FGD5: variants seen among roughly 807,000 people sequenced by gnomAD.
FGD5 encodes the protein FYVE, RhoGEF and PH domain containing 5.
In FGD5, 28 loss-of-function variants were observed where a neutral mutation model predicts 133.4. The ratio of observed to expected loss-of-function variants is 0.21; its 90% CI spans 0.16 to 0.29. FGD5 has a LOEUF of 0.29. FGD5 is among the 10% of genes least tolerant of loss of function. The pLI is 1.00. For missense variants in FGD5, 1,858 were observed against 1,895.2 expected (o/e 0.98, Z 0.36); for synonymous variants, 810 against 776.5 (o/e 1.04, Z -0.72).
At chr3:14,825,946 C>T (rs1162503946) in intron 1 of FGD5, among the ~76,000 whole-genome samples, 1 of 150,196 alleles carries the variant, frequency 6.7e-6, no homozygotes, top group Non-Finnish European at 1.5e-5. Context: ...TATTAAATAC[C>T]TGTTTTTAGC....
Position 14,864,473 on chromosome 3 carries a change from C to T in FGD5, c.2658+213C>T, listed in dbSNP as rs75353971. Among the ~76,000 whole-genome samples the T allele has an allele frequency of 9.3e-3, 1,421 of 152,204 alleles. 18 individuals carry two copies. The highest frequency in any genetic ancestry group is 0.031 in the African/African-American group (1,307 of 41,520). On this transcript the variant is annotated intron_variant, in intron 2 of 19. Coordinates refer to ENST00000285046, the MANE Select transcript of FGD5 (RefSeq NM_152536.4). The stretch of plus-strand genomic sequence containing the variant: ...GTGATGCAAGGGCAACTGCTCATGC[C>T]GGTATTCTCTGGAGTCTGATGAAGT...
Position 14,926,073 on chromosome 3 carries a change from G to T in FGD5, c.4072G>T (p.Ala1358Ser). 6.2e-7 allele frequency: 1 copy of T among 1,613,436 alleles called. No individual in the cohort carries two copies. The highest frequency in any genetic ancestry group is 1.7e-5 in the Admixed American group (1 of 60,018). The change falls in exon 18 of 20, where the codon GCT (alanine) becomes TCT (serine). Residue 1358 changes from alanine to serine, a missense_variant. Physicochemically the swap from Ala to Ser is moderately conservative, Grantham distance 99. This residue lies in a region of FGD5 where 1,824 missense variants were observed against 1,848.9 expected (regional missense o/e 0.99). Coordinates refer to ENST00000285046, the MANE Select transcript of FGD5 (RefSeq NM_152536.4). ...CGCTCTGCTTCCCTCCTGCCAGGTG[G>T]CTGCCTCTGGAGAGGGCTCTGCCAT... ...KKVPSALTEV[A>S]ASGEGSAISG...
In FGD5 at chr3:14,898,103, C is replaced by T. The variant is rs576171318; in HGVS notation, c.3066+8C>T. 6.2e-7 allele frequency: 1 copy of T among 1,613,936 alleles called. No individual in the cohort carries two copies. The highest frequency in any genetic ancestry group is 2.2e-5 in the East Asian group (1 of 44,876). On this transcript the variant is annotated splice_region_variant and intron_variant, in intron 6 of 19. Coordinates refer to ENST00000285046, the MANE Select transcript of FGD5 (RefSeq NM_152536.4). Reference sequence around the variant, plus strand: ...GCTGTCCGTGAATTTGAGGTGGGTCCCTTGGTCCTCTGAGACCCTGCTGTA... The same window carrying T: ...GCTGTCCGTGAATTTGAGGTGGGTCTCTTGGTCCTCTGAGACCCTGCTGTA...
intron 4 of FGD5, among the ~76,000 whole-genome samples, chr3:14,895,928 C>T (rs1898039): frequency 0.71 from 107,295 of 152,022 alleles, 37,963 homozygotes; most frequent in Non-Finnish European, 0.73. Context: ...TAAACAAATT[C>T]AGCAAAGTTG....
rs778673810 is a variant in FGD5 at position 14,820,767 on chromosome 3, C to G, written c.1696C>G (p.Pro566Ala). ...REIPVSVYQEPEGSGLDDHRI... is the reference protein window; with the variant it reads ...REIPVSVYQEAEGSGLDDHRI... ...GATTCCAGTGTCCGTGTACCAGGAG[C>G]CTGAGGGGTCAGGGTTGGATGACCA... The change falls in exon 1 of 20, where the codon CCT becomes GCT. Residue 566 changes from proline (P) to alanine (A), a missense_variant. Around this residue, in one of 3 missense-constraint regions of FGD5, gnomAD observed 1,824 missense variants for 1,848.9 expected, o/e 0.99. Coordinates refer to ENST00000285046, the MANE Select transcript of FGD5 (RefSeq NM_152536.4). 1.8e-5 allele frequency: 29 copies of G among 1,613,044 alleles called. No homozygotes were observed. In the East Asian group the frequency reaches 5.8e-4, roughly 32 times the overall value.
At chr3:14,928,093 C>G (rs2038842954) in intron 18 of FGD5, among the ~76,000 whole-genome samples, 1 of 152,060 alleles carries the variant, frequency 6.6e-6, no homozygotes, top group Middle Eastern at 3.2e-3. Context: ...AGGCGCCCAC[C>G]ACCACGCCCA....
intron 9 of FGD5, among the ~76,000 whole-genome samples, chr3:14,906,651 T>G (rs907328380): frequency 2.0e-5 from 3 of 152,256 alleles, no homozygotes; most frequent in Admixed American, 6.5e-5. Flanking sequence ...TCCCCATTAC[T>G]CTAAACTGGC....
rs150119192 is a variant in FGD5, at chr3:14,889,435, G to A, written c.2749-8074G>A. On this transcript the variant is annotated intron_variant, in intron 4 of 19. Coordinates refer to ENST00000285046, the MANE Select transcript of FGD5 (RefSeq NM_152536.4). ...TCACGGGTATCAGTGTTCTTTGGTA[G>A]GGATAGCCTATAGTCGGGTTGTCTG... Among the ~76,000 whole-genome samples, 27 of 152,294 alleles carry A rather than the reference G, an allele frequency of 1.8e-4. 1 individual carries two copies. In the East Asian group the frequency reaches 5.2e-3, roughly 29 times the overall value.
In FGD5 at chr3:14,932,707, C is replaced by T; in HGVS notation, c.4328C>T (p.Ala1443Val). The T allele has an allele frequency of 6.2e-7, 1 of 1,613,880 alleles. No individual in the cohort carries two copies. Among genetic ancestry groups the T allele is most frequent in the Non-Finnish European group, 8.5e-7 (1 of 1,179,850 alleles). Residue 1443 changes from alanine to valine, a missense_variant, in exon 19 of 20, where the codon GCA (alanine) becomes GTA (valine). This residue lies in a region of FGD5 where 1,824 missense variants were observed against 1,848.9 expected (regional missense o/e 0.99). Coordinates refer to ENST00000285046, the MANE Select transcript of FGD5 (RefSeq NM_152536.4). ...HKKTLFYSFK[A>V]EDTNSAQRWI... Reference sequence around the variant, plus strand: ...AAAACCCTATTTTATAGCTTCAAAGCAGAAGATACCAATTCAGCTCAGAGG... The same window carrying T: ...AAAACCCTATTTTATAGCTTCAAAGTAGAAGATACCAATTCAGCTCAGAGG...
In FGD5 at chr3:14,831,333, G is replaced by C. The variant is rs548661767; in HGVS notation, c.2525+9737G>C. 2.6e-5 allele frequency among the ~76,000 whole-genome samples: 4 copies of C among 152,336 alleles called. No homozygotes were observed. In the East Asian group the frequency reaches 7.7e-4, roughly 29 times the overall value. On this transcript the variant is annotated intron_variant, in intron 1 of 19. Transcript: ENST00000285046. ...CTAAGCACTTCAGATCATTTCTCTG[G>C]ACTTGTATGTTTAGGGTAGGATCAG...
At chr3:14,860,703 G>A (rs1235250878) in intron 1 of FGD5, among the ~76,000 whole-genome samples, 1 of 152,140 alleles carries the variant, frequency 6.6e-6, no homozygotes. Flanking sequence ...TCCGGGTGTG[G>A]TGGCATATAC....
At position 14,821,181 on chromosome 3, in the gene FGD5, C is replaced by T; in HGVS notation, c.2110C>T (p.Pro704Ser). 1.9e-6 allele frequency: 3 copies of T among 1,613,962 alleles called. No individual in the cohort carries two copies. Among genetic ancestry groups the T allele is most frequent in the Non-Finnish European group, 2.5e-6 (3 of 1,179,876 alleles). The stretch of plus-strand genomic sequence containing the variant: ...TGACCGGAGAAGCCTCAGCAACTCC[C>T]CTCAGCTTAAGTCTCGGACTGGGAA... ...EVDRRSLSNS[P>S]QLKSRTGKLR... The change falls in exon 1 of 20, where the codon CCT becomes TCT. Residue 704 changes from proline (P) to serine (S), a missense_variant. Pro to Ser is a moderately conservative substitution (Grantham distance 74). Coordinates refer to ENST00000285046, the MANE Select transcript of FGD5 (RefSeq NM_152536.4).
At chr3:14,863,699 C>T (rs2037442382) in intron 1 of FGD5, among the ~76,000 whole-genome samples, 1 of 152,234 alleles carries the variant, frequency 6.6e-6, no homozygotes, top group African/African-American at 2.4e-5. Flanking sequence ...GGACTAGGGG[C>T]TGGAACACAC....
Position 14,932,314 on chromosome 3 carries a change from C to T in FGD5, c.4198-263C>T, listed in dbSNP as rs376833033. On this transcript the variant is annotated intron_variant, in intron 18 of 19. Transcript: ENST00000285046. ...GCCAGGCTGGTCTCGAACTCCTGAC[C>T]TCAGGTGATCCACCCGCCTCAGCCT... 5.1e-4 allele frequency: 166 copies of T among 327,926 alleles called. 1 individual carries two copies. The East Asian group carries it at 9.1e-3, about 18-fold the overall frequency. The allele number at this position is 327,926 out of a possible 1,614,324, so 20.3% of individuals were successfully genotyped here.
At chr3:14,928,396 T>C (rs2038849921) in intron 18 of FGD5, among the ~76,000 whole-genome samples, 1 of 152,124 alleles carries the variant, frequency 6.6e-6, no homozygotes. Flanking sequence ...TTTTATTCTT[T>C]ATTATATTTA....
rs913082442 is a variant in FGD5, at chr3:14,905,346, C to CTG, written c.3265-2282_3265-2281dup. ...TTTGGGAAGTTTGGCTGTGATGCGT[C>CTG]TGTGTGTGTGTGTTGTGGGGGATGG... On this transcript the variant is annotated intron_variant, in intron 9 of 19. Transcript: ENST00000285046. 2.2e-4 allele frequency among the ~76,000 whole-genome samples: 34 copies of CTG among 151,734 alleles called. No individual in the cohort carries two copies. The East Asian group carries it at 6.4e-3, about 28-fold the overall frequency.
intron 1 of FGD5, among the ~76,000 whole-genome samples, chr3:14,830,674 GTC>G (rs1202265525): frequency 6.6e-6 from 1 of 152,222 alleles, no homozygotes; most frequent in Non-Finnish European, 1.5e-5. Flanking sequence ...GAGGAGTGAA[GTC>G]TTTGTTCCAG....
chr3:14,847,677 G>A (rs2037075792), intron 1 of FGD5, among the ~76,000 whole-genome samples: 1 of 152,228 alleles, frequency 6.6e-6, no homozygotes, highest in Non-Finnish European at 1.5e-5. Context: ...CTTGCCCAGG[G>A]TTGTGTAGCT....
At chr3:14,869,271 G>A (rs545541535) in intron 2 of FGD5, among the ~76,000 whole-genome samples, 1 of 152,158 alleles carries the variant, frequency 6.6e-6, no homozygotes, top group East Asian at 1.9e-4. Flanking sequence ...TCTAACCTGG[G>A]CGACAGAGCA....
Sources: gnomAD v4.1 joint callset for allele counts (sites outside exome capture counted in the v4.1 genomes callset) on GRCh38, gnomAD v4.1.1 for gene constraint, gnomAD v4.1.1 regional missense constraint, MANE v1.5 for transcripts, NCBI Gene and HGNC (gene_info 2026-07-23, HGNC 2026-07-21) for gene names.